ADGRV1: variants seen among roughly 807,000 people sequenced by gnomAD.
ADGRV1 encodes adhesion G protein-coupled receptor V1, also known as G-protein coupled receptor 98.
In ADGRV1, 359 loss-of-function variants were observed where a neutral mutation model predicts 596.2. That is an observed-to-expected ratio of 0.60 (90% CI 0.55 to 0.66). ADGRV1 has a LOEUF of 0.66. Ranked by LOEUF, ADGRV1 falls within the 30% of genes least tolerant of loss-of-function variation. The pLI, the probability that ADGRV1 is intolerant of heterozygous loss-of-function variation, is 0.00. For synonymous variants in ADGRV1, 2,681 were observed against 2,679.2 expected (o/e 1.00, Z -0.02); for missense variants, 7,274 against 7,575.6 (o/e 0.96, Z 1.48).
At chr5:90,886,811 G>A (rs1344643045) in intron 83 of ADGRV1, among the ~76,000 whole-genome samples, 2 of 152,104 alleles carry the variant, frequency 1.3e-5, no homozygotes, top group African/African-American at 4.8e-5. Context: ...TTCTTTCCTT[G>A]CTATAAGTGT....
intron 89 of ADGRV1, among the ~76,000 whole-genome samples, chr5:91,159,043 T>G (rs1203650097): frequency 6.6e-6 from 1 of 152,218 alleles, no homozygotes; most frequent in Non-Finnish European, 1.5e-5. Flanking sequence ...ACTAAAATGC[T>G]TGCATTAATT....
chr5:90,851,134 T>TGTGTGTGTGGGAGAGAGAGAGAGAGA (rs757909771), intron 79 of ADGRV1, among the ~76,000 whole-genome samples: 1 of 81,448 alleles, frequency 1.2e-5, no homozygotes, highest in Non-Finnish European at 2.6e-5. Context: ...TGTGTGTGTG[T>TGTGTGTGTGGGAGAGAGAGAGAGAGA]GAGAGAGAGA....
At chr5:91,034,231 A>G (rs1165899726) in intron 85 of ADGRV1, among the ~76,000 whole-genome samples, 1 of 152,166 alleles carries the variant, frequency 6.6e-6, no homozygotes, top group African/African-American at 2.4e-5. Flanking sequence ...TGTGAAAACC[A>G]GCTATGGTTA....
intron 1 of ADGRV1, among the ~76,000 whole-genome samples, chr5:90,569,816 A>T (rs1171200539): frequency 6.6e-6 from 1 of 152,056 alleles, no homozygotes; most frequent in African/African-American, 2.4e-5. Flanking sequence ...TAATTTCAAT[A>T]GCGTGCAATA....
intron 79 of ADGRV1, chr5:90,850,729 C>T (rs1156847550): frequency 6.6e-6 from 1 of 152,152 alleles, no homozygotes; most frequent in Admixed American, 6.5e-5. Context: ...AGATGTGAAC[C>T]ATCTACCTTG....
At chr5:91,045,392 G>C (rs1316069769) in intron 85 of ADGRV1, among the ~76,000 whole-genome samples, 1 of 152,112 alleles carries the variant, frequency 6.6e-6, no homozygotes, top group Non-Finnish European at 1.5e-5. Flanking sequence ...ACATATGCAA[G>C]TCAATAAATG....
chr5:90,595,202 G>A (rs1180330515), intron 1 of ADGRV1, among the ~76,000 whole-genome samples: 2 of 61,716 alleles, frequency 3.2e-5, no homozygotes, highest in East Asian at 4.8e-4. Context: ...GCGGCTGGCC[G>A]GGCGGGGGGC....
At chr5:90,965,558 C>A in intron 84 of ADGRV1, 27 bp downstream of exon 84, 1 of 1,318,474 alleles carries the variant, frequency 7.6e-7, no homozygotes, top group Non-Finnish European at 1.1e-6. Flanking sequence ...CTCTCCCCGC[C>A]CCTTTAATCT....
intron 86 of ADGRV1, among the ~76,000 whole-genome samples, chr5:91,076,613 A>G (rs910172286): frequency 2.6e-5 from 4 of 152,172 alleles, no homozygotes; most frequent in African/African-American, 9.6e-5. Flanking sequence ...TCAAAGTAGA[A>G]ATTAAATGAC....
At chr5:90,634,247 A>T (rs1287775739) in intron 9 of ADGRV1, among the ~76,000 whole-genome samples, 2 of 152,212 alleles carry the variant, frequency 1.3e-5, no homozygotes, top group Non-Finnish European at 2.9e-5. Context: ...GTGATTTATC[A>T]GAATTCTTAT....
intron 20 of ADGRV1, chr5:90,654,181 C>T: frequency 3.7e-6 from 2 of 540,314 alleles, no homozygotes; most frequent in Non-Finnish European, 6.6e-6. Context: ...GGAATAAACC[C>T]TAGCAGAGAG....
intron 85 of ADGRV1, among the ~76,000 whole-genome samples, chr5:91,013,041 A>C (rs1253131758): frequency 6.6e-6 from 1 of 152,036 alleles, no homozygotes; most frequent in Non-Finnish European, 1.5e-5. Context: ...TTGTTCCCAC[A>C]AGAAAAACAC....
intron 83 of ADGRV1, among the ~76,000 whole-genome samples, chr5:90,897,362 A>C: frequency 6.6e-6 from 1 of 152,172 alleles, no homozygotes; most frequent in East Asian, 1.9e-4. Context: ...GCTGCTTGTT[A>C]ATTTTGTCCT....
In ADGRV1 at chr5:90,642,960, A is replaced by G. The variant is rs1366030331; in HGVS notation, c.2472A>G (p.Gly824=). 6.2e-7 allele frequency: 1 copy of G among 1,613,642 alleles called. No individual in the cohort carries two copies. Among genetic ancestry groups the G allele is most frequent in the Admixed American group, 1.7e-5 (1 of 59,998 alleles). The part of the protein sequence containing the change: ...VEPRDSNEFY[G]NTGVLEFKPG... ...CAAGAGATAGCAATGAATTCTATGGAAACACGGGAGTACTAGAATTTAAAC... is the reference window on the plus strand; with the variant it reads ...CAAGAGATAGCAATGAATTCTATGGGAACACGGGAGTACTAGAATTTAAAC... Residue 824 remains glycine, a synonymous_variant, in exon 13 of 90, where the codon GGA becomes GGG. Coordinates refer to ENST00000405460, the MANE Select transcript of ADGRV1 (RefSeq NM_032119.4).
intron 83 of ADGRV1, among the ~76,000 whole-genome samples, chr5:90,924,573 T>G (rs1774229693): frequency 6.6e-6 from 1 of 151,006 alleles, no homozygotes; most frequent in African/African-American, 2.4e-5. Flanking sequence ...TTTCTCCCAT[T>G]TTGTAGGTTG....
At chr5:91,079,669 G>A (rs1011134553) in intron 86 of ADGRV1, among the ~76,000 whole-genome samples, 1 of 152,102 alleles carries the variant, frequency 6.6e-6, no homozygotes, top group Non-Finnish European at 1.5e-5. Context: ...AAGGAAAAGG[G>A]GCTGACCACT....
intron 59 of ADGRV1, among the ~76,000 whole-genome samples, chr5:90,767,674 CTTT>C (rs112354620): frequency 7.0e-6 from 1 of 142,330 alleles, no homozygotes; most frequent in Non-Finnish European, 1.5e-5. Flanking sequence ...CCATGTCTTA[CTTT>C]TTTTTTTTTT....
intron 87 of ADGRV1, among the ~76,000 whole-genome samples, chr5:91,119,576 T>C (rs13186363): frequency 1.1e-4 from 17 of 152,332 alleles, no homozygotes; most frequent in Middle Eastern, 3.4e-3. Context: ...GTTCCAAAGA[T>C]GAAATCTAAA....
chr5:90,817,866 C>CTT (rs1025849918), intron 75 of ADGRV1, among the ~76,000 whole-genome samples: 1 of 152,098 alleles, frequency 6.6e-6, no homozygotes. Context: ...CAGCTTTGTT[C>CTT]TTTTGGCTTA....
Sources: allele counts gnomAD v4.1 joint callset (sites outside exome capture counted in the v4.1 genomes callset), GRCh38; gene constraint gnomAD v4.1.1; transcripts MANE v1.5; gene names NCBI Gene and HGNC (gene_info 2026-07-23, HGNC 2026-07-21).